MAST4: variants seen among roughly 807,000 people sequenced by gnomAD.
The protein encoded by MAST4 is microtubule-associated serine/threonine-protein kinase 4.
MAST4 carries 89 observed loss-of-function variants against 162.7 expected under a neutral mutation model. The ratio of observed to expected loss-of-function variants is 0.55; its 90% CI spans 0.46 to 0.65. MAST4 has a LOEUF of 0.65. Ranked by LOEUF, MAST4 falls within the 30% of genes least tolerant of loss-of-function variation. The pLI, the probability that MAST4 is intolerant of heterozygous loss-of-function variation, is 0.00. For synonymous variants in MAST4, 1,479 were observed against 1,361.1 expected (o/e 1.09, Z -1.91); for missense variants, 3,153 against 3,374.0 (o/e 0.93, Z 1.62).
At chr5:66,688,065 C>A (rs958330855) in intron 1 of MAST4, among the ~76,000 whole-genome samples, 2 of 152,106 alleles carry the variant, frequency 1.3e-5, no homozygotes, top group African/African-American at 4.8e-5. Context: ...TTGGGTAAAC[C>A]TTTAGCTTGG....
chr5:66,597,894 A>G (rs1742305362), intron 1 of MAST4, among the ~76,000 whole-genome samples: 1 of 148,714 alleles, frequency 6.7e-6, no homozygotes, highest in Admixed American at 6.7e-5. Flanking sequence ...AGCCAGACTC[A>G]GTTTAAAAAA....
intron 27 of MAST4, among the ~76,000 whole-genome samples, chr5:67,160,986 GCC>G (rs1027534923): frequency 2.0e-5 from 3 of 152,196 alleles, no homozygotes; most frequent in African/African-American, 7.2e-5. Context: ...TTTTTAAAAT[GCC>G]AGATATTCTA....
chr5:67,047,401 C>T (rs1194038395), intron 4 of MAST4, among the ~76,000 whole-genome samples: 1 of 152,208 alleles, frequency 6.6e-6, no homozygotes, highest in Non-Finnish European at 1.5e-5. Flanking sequence ...CTAGAACACT[C>T]TGGCCTCAGG....
intron 1 of MAST4, among the ~76,000 whole-genome samples, chr5:66,663,858 G>A (rs901244015): frequency 6.6e-5 from 10 of 152,162 alleles, no homozygotes; most frequent in Admixed American, 2.0e-4. Context: ...CCATGTTGAG[G>A]ATAGATTGTG....
chr5:66,597,039 C>G, intron 1 of MAST4, 21 bp downstream of exon 1: 1 of 1,411,824 alleles, frequency 7.1e-7, no homozygotes, highest in Middle Eastern at 2.6e-4. Context: ...CCCCAGCTTG[C>G]CCACTCTGGG....
In MAST4 at chr5:67,139,285, G is replaced by A. The variant is rs372116884; in HGVS notation, c.2494+2621G>A. Among the ~76,000 whole-genome samples, 16 of 152,352 alleles carry A rather than the reference G, an allele frequency of 1.1e-4. No homozygotes were observed. The East Asian group carries it at 3.1e-3, about 29-fold the overall frequency. ...TAATGCACCGTGAAAATGTGCGAAT[G>A]CACATTTGCCCAAGAGATTAGAGAG... On this transcript the variant is annotated intron_variant, in intron 19 of 28. Coordinates refer to ENST00000403625, the MANE Select transcript of MAST4 (RefSeq NM_001164664.2).
At chr5:67,062,939 C>T (rs1035814200) in intron 5 of MAST4, among the ~76,000 whole-genome samples, 1 of 152,102 alleles carries the variant, frequency 6.6e-6, no homozygotes, top group Non-Finnish European at 1.5e-5. Context: ...TGTGGCTAAA[C>T]TTTATCCAGG....
Position 66,706,507 on chromosome 5 carries a change from A to G in MAST4, c.364-53202A>G, listed in dbSNP as rs532852395. Among the ~76,000 whole-genome samples the G allele has an allele frequency of 9.8e-5, 15 of 152,336 alleles. No individual in the cohort carries two copies. In the South Asian group the frequency reaches 3.1e-3, roughly 32 times the overall value. On this transcript the variant is annotated intron_variant, in intron 1 of 28. Transcript: ENST00000403625. The stretch of plus-strand genomic sequence containing the variant: ...TTTTAAGGGACATTTAGTACTTACA[A>G]TGAGTACTGTCCATGAGTTCCTTTT...
chr5:67,010,464 G>A (rs1211115566), intron 4 of MAST4, among the ~76,000 whole-genome samples: 4 of 152,116 alleles, frequency 2.6e-5, no homozygotes, highest in Non-Finnish European at 5.9e-5. Flanking sequence ...AACATCGAAG[G>A]CACTGAGACT....
At position 66,922,730 on chromosome 5, in the gene MAST4, A is replaced by G. The variant is rs530718191; in HGVS notation, c.674+22748A>G. Among the ~76,000 whole-genome samples, 5 of 152,338 alleles carry G rather than the reference A, an allele frequency of 3.3e-5. No homozygotes were observed. In the East Asian group the frequency reaches 9.6e-4, roughly 29 times the overall value. On this transcript the variant is annotated intron_variant, in intron 4 of 28. Transcript: ENST00000403625. Reference sequence around the variant, plus strand: ...TGAAGCTGTCAAAGTAATGGAAAATAAGGATATTTTAAATATAATTGCAGT... The same window carrying G: ...TGAAGCTGTCAAAGTAATGGAAAATGAGGATATTTTAAATATAATTGCAGT...
At chr5:66,827,580 A>C (rs1757332194) in intron 3 of MAST4, among the ~76,000 whole-genome samples, 1 of 152,250 alleles carries the variant, frequency 6.6e-6, no homozygotes, top group Non-Finnish European at 1.5e-5. Flanking sequence ...CCAGTGGAAT[A>C]GCAGGTGAAT....
intron 1 of MAST4, among the ~76,000 whole-genome samples, chr5:66,647,886 T>C (rs370560032): frequency 2.0e-5 from 3 of 152,136 alleles, no homozygotes; most frequent in South Asian, 2.1e-4. Flanking sequence ...TTTAGAAATA[T>C]AGAGGGAAAG....
At chr5:67,090,869 T>C (rs1267945939) in intron 6 of MAST4, among the ~76,000 whole-genome samples, 1 of 152,000 alleles carries the variant, frequency 6.6e-6, no homozygotes, top group Non-Finnish European at 1.5e-5. Flanking sequence ...GTTCTGCATG[T>C]GAAATTTGTC....
At chr5:66,950,803 G>A (rs187540543) in intron 4 of MAST4, among the ~76,000 whole-genome samples, 34 of 152,292 alleles carry the variant, frequency 2.2e-4, no homozygotes, top group Non-Finnish European at 4.1e-4. Context: ...ATACCCAGAA[G>A]TGGAATTGCC....
intron 4 of MAST4, among the ~76,000 whole-genome samples, chr5:66,949,150 A>G (rs1393252986): frequency 1.3e-5 from 2 of 152,196 alleles, no homozygotes; most frequent in East Asian, 1.9e-4. Context: ...TGTCCATACT[A>G]TGATCTGGAA....
chr5:67,152,999 A>G (rs1772033515), intron 25 of MAST4, 133 bp downstream of exon 25: 15 of 723,832 alleles, frequency 2.1e-5, no homozygotes, highest in Non-Finnish European at 3.3e-5. Flanking sequence ...TTCCTTTTAG[A>G]GCTCCATCCC....
chr5:66,634,854 T>C (rs1745004043), intron 1 of MAST4, among the ~76,000 whole-genome samples: 1 of 152,208 alleles, frequency 6.6e-6, no homozygotes, highest in African/African-American at 2.4e-5. Flanking sequence ...AGGCCCAATA[T>C]TCTGAAGCCC....
intron 4 of MAST4, among the ~76,000 whole-genome samples, chr5:67,014,952 G>A (rs1268250918): frequency 2.0e-5 from 3 of 152,066 alleles, no homozygotes; most frequent in Non-Finnish European, 4.4e-5. Context: ...TGATTTAGAG[G>A]TCAAAGAGAA....
At position 66,759,807 on chromosome 5, in the gene MAST4, G is replaced by C; in HGVS notation, c.462G>C (p.Gln154His). ...GPGKSLKYKR[Q>H]LSEDGRQLRR... ...GAAAATCACTGAAGTATAAAAGACA[G>C]CTGAGTGAGGATGGAAGACAGCTAA... is the stretch of plus-strand genomic sequence containing the variant. The change falls in exon 2 of 29, where the codon CAG (glutamine) becomes CAC (histidine). Residue 154 changes from glutamine (Q) to histidine (H), a missense_variant. This residue lies in a region of MAST4 where 327 missense variants were observed against 336.5 expected (regional missense o/e 0.97). Coordinates refer to ENST00000403625, the MANE Select transcript of MAST4 (RefSeq NM_001164664.2). 1 of 1,613,948 alleles carries C rather than the reference G, an allele frequency of 6.2e-7. No homozygotes were observed. Among genetic ancestry groups the C allele is most frequent in the Non-Finnish European group, 8.5e-7 (1 of 1,179,888 alleles).
Sources: gnomAD v4.1 joint callset for allele counts (sites outside exome capture counted in the v4.1 genomes callset) on GRCh38, gnomAD v4.1.1 for gene constraint, gnomAD v4.1.1 regional missense constraint, MANE v1.5 for transcripts, NCBI Gene and HGNC (gene_info 2026-07-23, HGNC 2026-07-21) for gene names.